SLC25A26: variants seen among roughly 807,000 people sequenced by gnomAD.
SLC25A26 encodes solute carrier family 25 member 26, also known as mitochondrial S-adenosylmethionine carrier protein.
A neutral mutation model predicts 37.8 loss-of-function variants in SLC25A26; 36 were observed. That is an observed-to-expected ratio of 0.95 (90% CI 0.73 to 1.26). SLC25A26 has a LOEUF of 1.26. Among genes scored for constraint, SLC25A26 ranks in the 50% most tolerant of loss-of-function variants. The pLI is 0.00. For synonymous variants in SLC25A26, 129 were observed against 122.5 expected, an observed-to-expected ratio of 1.05 and a Z score of -0.35; for missense variants, 390 against 331.1, an observed-to-expected ratio of 1.18 and a Z score of -1.38.
At chr3:66,324,422 G>T (rs913358365) in intron 5 of SLC25A26, among the ~76,000 whole-genome samples, 1 of 152,066 alleles carries the variant, frequency 6.6e-6, no homozygotes, top group Non-Finnish European at 1.5e-5. Flanking sequence ...AAAATACCTT[G>T]AACACCAGTC....
At chr3:66,322,514 C>T (rs1472052462) in intron 5 of SLC25A26, among the ~76,000 whole-genome samples, 5 of 152,346 alleles carry the variant, frequency 3.3e-5, no homozygotes, top group Non-Finnish European at 7.3e-5. Flanking sequence ...CTTCACAAAG[C>T]CTCATAACTG....
chr3:66,374,890 T>A (rs868623235), intron 9 of SLC25A26, among the ~76,000 whole-genome samples: 14 of 126,026 alleles, frequency 1.1e-4, no homozygotes, highest in Admixed American at 2.4e-4. Context: ...AAAAAAAAAA[T>A]TAATTAATTA....
At chr3:66,359,509 T>A (rs2076650218) in intron 6 of SLC25A26, among the ~76,000 whole-genome samples, 1 of 152,204 alleles carries the variant, frequency 6.6e-6, no homozygotes, top group Non-Finnish European at 1.5e-5. Flanking sequence ...TTCTACTCTT[T>A]GGAACATTTA....
intron 5 of SLC25A26, among the ~76,000 whole-genome samples, chr3:66,333,304 C>T (rs1176970704): frequency 6.6e-6 from 1 of 152,122 alleles, no homozygotes; most frequent in Non-Finnish European, 1.5e-5. Context: ...TAGATCTGTC[C>T]TCCAAGTCTC....
intron 3 of SLC25A26, among the ~76,000 whole-genome samples, chr3:66,254,949 G>C (rs1376740236): frequency 7.9e-5 from 12 of 152,180 alleles, no homozygotes; most frequent in African/African-American, 2.9e-4. Context: ...AGAACTAGAG[G>C]ACAGGGTGCA....
At chr3:66,353,525 A>G (rs988985480) in intron 6 of SLC25A26, among the ~76,000 whole-genome samples, 6 of 152,236 alleles carry the variant, frequency 3.9e-5, no homozygotes, top group African/African-American at 1.4e-4. Context: ...TGCACACCGC[A>G]CATGATGTGT....
At chr3:66,240,626 T>C (rs2072530689) in intron 2 of SLC25A26, among the ~76,000 whole-genome samples, 2 of 152,110 alleles carry the variant, frequency 1.3e-5, no homozygotes, top group South Asian at 4.1e-4. Flanking sequence ...ATGTGCTATA[T>C]GGTTTGTGTT....
intron 1 of SLC25A26, among the ~76,000 whole-genome samples, chr3:66,214,304 C>G (rs1304526629): frequency 6.6e-6 from 1 of 152,180 alleles, no homozygotes; most frequent in Non-Finnish European, 1.5e-5. Context: ...TGAGGTCTCA[C>G]TAGAAGCCAA....
At chr3:66,193,074 GT>G (rs1332823503) in intron 1 of SLC25A26, among the ~76,000 whole-genome samples, 1 of 152,050 alleles carries the variant, frequency 6.6e-6, no homozygotes, top group Admixed American at 6.6e-5. Flanking sequence ...AGGATTTTCT[GT>G]TTGTATATTT....
chr3:66,341,566 C>A (rs1017938366), intron 5 of SLC25A26, among the ~76,000 whole-genome samples: 1 of 152,154 alleles, frequency 6.6e-6, no homozygotes, highest in East Asian at 1.9e-4. Flanking sequence ...TTTGGAGATA[C>A]TCCTAATGCC....
intron 9 of SLC25A26, among the ~76,000 whole-genome samples, chr3:66,375,641 C>G (rs1414360580): frequency 2.0e-5 from 3 of 152,198 alleles, no homozygotes; most frequent in Non-Finnish European, 4.4e-5. Context: ...CATCTCTTTA[C>G]AGCATGCTTT....
At chr3:66,295,824 T>A (rs933064996) in intron 5 of SLC25A26, among the ~76,000 whole-genome samples, 1 of 151,920 alleles carries the variant, frequency 6.6e-6, no homozygotes, top group Non-Finnish European at 1.5e-5. Context: ...AACTATTTTT[T>A]AAATTCCATT....
chr3:66,283,391 C>T (rs888320095), intron 5 of SLC25A26, among the ~76,000 whole-genome samples: 3 of 152,164 alleles, frequency 2.0e-5, no homozygotes, highest in Admixed American at 6.5e-5. Flanking sequence ...AGTGATCCTC[C>T]TACCTCAGCT....
At chr3:66,197,342 T>A (rs2106805830) in intron 1 of SLC25A26, among the ~76,000 whole-genome samples, 1 of 151,916 alleles carries the variant, frequency 6.6e-6, no homozygotes, top group Non-Finnish European at 1.5e-5. Flanking sequence ...AGGGTAAGGG[T>A]GAGTGTCAAG....
chr3:66,245,531 A>C (rs2072792267), intron 3 of SLC25A26, among the ~76,000 whole-genome samples: 1 of 152,182 alleles, frequency 6.6e-6, no homozygotes, highest in Non-Finnish European at 1.5e-5. Flanking sequence ...TTATCAAATC[A>C]CACTTTTCTT....
chr3:66,146,669 G>A (rs936499778), intron 1 of SLC25A26, among the ~76,000 whole-genome samples: 1 of 152,134 alleles, frequency 6.6e-6, no homozygotes, highest in Admixed American at 6.5e-5. Context: ...GCTATAAACA[G>A]ATGGCACATT....
chr3:66,311,649 C>T (rs972139089), intron 5 of SLC25A26, among the ~76,000 whole-genome samples: 5 of 151,964 alleles, frequency 3.3e-5, no homozygotes, highest in African/African-American at 9.7e-5. Flanking sequence ...ATCTTTGACG[C>T]GGATGACTTT....
intron 1 of SLC25A26, among the ~76,000 whole-genome samples, chr3:66,208,947 T>C (rs1232631437): frequency 1.7e-5 from 2 of 116,068 alleles, no homozygotes; most frequent in South Asian, 5.4e-4. Flanking sequence ...TATATACATT[T>C]ATATATATAT....
intron 5 of SLC25A26, among the ~76,000 whole-genome samples, chr3:66,306,774 G>A (rs1559680651): frequency 6.6e-6 from 1 of 152,240 alleles, no homozygotes; most frequent in East Asian, 1.9e-4. Flanking sequence ...TTCTGTTCCT[G>A]TGTTAGTTTG....
Sources: allele counts gnomAD v4.1 joint callset (sites outside exome capture counted in the v4.1 genomes callset), GRCh38; gene constraint gnomAD v4.1.1; transcripts MANE v1.5; gene names NCBI Gene and HGNC (gene_info 2026-07-23, HGNC 2026-07-21).